Variants in TTN observed in about 807,000 individuals in gnomAD.
TTN encodes connectin.
In TTN, 1,525 loss-of-function variants were observed where a neutral mutation model predicts 3,223.0. The ratio of observed to expected loss-of-function variants is 0.47; its 90% confidence interval spans 0.45 to 0.49. The LOEUF (loss-of-function observed/expected upper bound fraction) is 0.49, where lower values mean the gene tolerates loss of function less well. Among genes scored for constraint, TTN ranks in the 20% least tolerant of loss-of-function variants. The probability of loss-of-function intolerance (pLI) is 0.00; values close to 1 mark genes in which losing one functional copy is unlikely to be tolerated. For synonymous variants in TTN, 14,094 were observed against 15,161.0 expected, an observed-to-expected ratio of 0.93 and a Z score of 5.17; for missense variants, 40,786 against 43,424.0, an observed-to-expected ratio of 0.94 and a Z score of 5.40.
intron 99 of TTN, 80 bp downstream of exon 99, chr2:178,709,486 G>C (rs1000179098): frequency 4.9e-6 from 7 of 1,419,900 alleles, no homozygotes; most frequent in Non-Finnish European, 6.6e-6. Context: ...ACTTGGTCAA[G>C]ATATCATAAG....
Position 178,717,350 on chromosome 2 carries a change from G to A in TTN, c.25384C>T (p.Pro8462Ser). Residue 8462 changes from proline to serine, a missense_variant, in exon 88 of 363, where the codon CCT becomes TCT. Pro to Ser is a moderately conservative substitution (Grantham distance 74). Transcript: ENST00000589042. ...CCAAGAGCAAGATCTACTGATACAG[G>A]CTTTAGATCAAAGAAAGGAGGCACT... Reference protein sequence around the residue: ...HEVPPFFDLKPVSVDLALGES... With the variant: ...HEVPPFFDLKSVSVDLALGES... The A allele has an allele frequency of 6.2e-7, 1 of 1,609,962 alleles. No homozygotes were observed. The highest frequency in any genetic ancestry group is 8.5e-7 in the Non-Finnish European group (1 of 1,176,890).
chr2:178,560,156 T>A lies in TTN; in HGVS notation c.85976A>T (p.Lys28659Ile). The A allele has an allele frequency of 2.5e-6, 4 of 1,613,554 alleles. No individual in the cohort carries two copies. In the South Asian group the frequency reaches 4.4e-5, roughly 18 times the overall value. The change falls in exon 326 of 363, where the codon AAA (lysine) becomes ATA (isoleucine). Residue 28659 changes from lysine (K) to isoleucine (I), a missense_variant. By Grantham distance (102) the Lys-to-Ile change is moderately radical. Coordinates refer to ENST00000589042, the MANE Select transcript of TTN (RefSeq NM_001267550.2). Reference sequence around the variant, plus strand: ...AGTTGTCTTGCCTGAGTCCACAATTTTGGGTTTGGATGGAGGAGATGGTAG... The same window carrying A: ...AGTTGTCTTGCCTGAGTCCACAATTATGGGTTTGGATGGAGGAGATGGTAG... ...VFLPSPPSKP[K>I]IVDSGKTTIT... is the part of the protein sequence containing the mutation.
intron 9 of TTN, 102 bp downstream of exon 9, chr2:178,793,302 A>C: frequency 6.7e-7 from 1 of 1,498,658 alleles, no homozygotes; most frequent in Non-Finnish European, 9.0e-7. Context: ...GTATGCTAAC[A>C]ACCATGTGGC....
chr2:178,738,140 T>C lies in TTN; in HGVS notation c.14313A>G (p.Thr4771=), dbSNP rs556020515. ...TGCCATACTCATTGGAAGCTTTGCA[T>C]GTATACTCGCCGCAGTCAACCACCT... ...RTQVVDCGEY[T]CKASNEYGSV... is the part of the protein sequence containing the mutation. Residue 4771 remains threonine (T), a synonymous_variant, in exon 49 of 363, where the codon ACA becomes ACG. Transcript: ENST00000589042. The C allele has an allele frequency of 3.7e-6, 6 of 1,613,840 alleles. No homozygotes were observed. The South Asian group carries it at 6.6e-5, about 18-fold the overall frequency.
At chr2:178,783,588 C>T (rs1415822311) in intron 17 of TTN, 132 bp downstream of exon 17, 1 of 814,098 alleles carries the variant, frequency 1.2e-6, no homozygotes, top group Non-Finnish European at 2.0e-6. Context: ...CAAATACGGT[C>T]TTAAAATGAG....
chr2:178,623,776 T>C (rs1271405824), intron 242 of TTN, among the ~76,000 whole-genome samples: 2 of 151,884 alleles, frequency 1.3e-5, no homozygotes, highest in African/African-American at 2.4e-5. Context: ...ATGTCATCAC[T>C]GGACAAAGGA....
Position 178,647,046 on chromosome 2 carries a change from A to G in TTN, c.40222+18T>C. 3.8e-6 allele frequency: 3 copies of G among 783,784 alleles called. No homozygotes were observed. Among genetic ancestry groups the G allele is most frequent in the Non-Finnish European group, 3.4e-6 (2 of 582,830 alleles). The allele number at this position is 783,784 out of a possible 1,614,324, so 48.6% of individuals were successfully genotyped here. ...TTCAGGAGATTAAAAAAATGTATAT[A>G]TATATATATATATATACCTTCAACA... On this transcript the variant is annotated intron_variant, in intron 215 of 362. Coordinates refer to ENST00000589042, the MANE Select transcript of TTN (RefSeq NM_001267550.2).
At position 178,560,434 on chromosome 2, in the gene TTN, A is replaced by G. The variant is rs1703202093; in HGVS notation, c.85698T>C (p.Ser28566=). The G allele has an allele frequency of 6.2e-7, 1 of 1,613,644 alleles. No homozygotes were observed. Reference sequence around the variant, plus strand: ...CGGGTCTTGACCAGCAAAGTGTCATAGATTCTTTGGTCACAGAAGTAATTT... The same window carrying G: ...CGGGTCTTGACCAGCAAAGTGTCATGGATTCTTTGGTCACAGAAGTAATTT... The part of the protein sequence containing the change: ...SLEITSVTKE[S]MTLCWSRPES... Residue 28566 remains serine (S), a synonymous_variant, in exon 326 of 363, where the codon TCT becomes TCC. Transcript: ENST00000589042.
rs184854121 is a variant in TTN, at chr2:178,757,399, G to A, written c.10678+143C>T. On this transcript the variant is annotated intron_variant, in intron 45 of 362. Transcript: ENST00000589042. The stretch of plus-strand genomic sequence containing the variant: ...GTTAACCCATAATTGAGGACCTAGC[G>A]GGAGTTATTGCATGTTATTTTATTA... The A allele has an allele frequency of 2.3e-3, 2,413 of 1,053,864 alleles. 3 individuals carry two copies. Among genetic ancestry groups the A allele is most frequent in the Non-Finnish European group, 2.6e-3 (2,077 of 784,854 alleles). 65.3% of individuals were successfully genotyped at this position (1,053,864 alleles called of 1,614,324 possible). A position where few individuals can be genotyped will look rare whatever the true frequency, so the allele number is the denominator to read the frequency against.
At chr2:178,538,470 G>A (rs79646543) in intron 354 of TTN, 70 bp downstream of exon 354, 81 of 1,450,956 alleles carry the variant, frequency 5.6e-5, no homozygotes, top group Non-Finnish European at 7.1e-5. Context: ...GTTCTACTTA[G>A]TATAGAGGGG....
intron 2 of TTN, among the ~76,000 whole-genome samples, chr2:178,804,294 C>T (rs571309994): frequency 2.0e-4 from 30 of 152,194 alleles, no homozygotes; most frequent in Non-Finnish European, 3.1e-4. Flanking sequence ...TGGATTCTAA[C>T]GGCAATTTTA....
chr2:178,800,062 T>C lies in TTN; in HGVS notation c.584-152A>G, dbSNP rs2154358771. ...GTTTTGGATTTTGCATGAATATAAATTAGGTTTAAAAATAGAAAATGTTCA... is the reference window on the plus strand; with the variant it reads ...GTTTTGGATTTTGCATGAATATAAACTAGGTTTAAAAATAGAAAATGTTCA... On this transcript the variant is annotated intron_variant, in intron 4 of 362. Coordinates refer to ENST00000589042, the MANE Select transcript of TTN (RefSeq NM_001267550.2). 4 of 869,294 alleles carry C rather than the reference T, an allele frequency of 4.6e-6. No homozygotes were observed. The South Asian group carries it at 5.2e-5, about 11-fold the overall frequency. 53.8% of individuals were successfully genotyped at this position (869,294 alleles called of 1,614,324 possible).
chr2:178,715,351 T>A (rs2077326908), intron 89 of TTN, 87 bp from the exon 90 acceptor site: 2 of 1,509,546 alleles, frequency 1.3e-6, no homozygotes, highest in African/African-American at 2.8e-5. Flanking sequence ...ATCAGAGAGA[T>A]AGAGAGTGAA....
At position 178,563,708 on chromosome 2, in the gene TTN, G is replaced by T. The variant is rs377169807; in HGVS notation, c.82424C>A (p.Thr27475Lys). The T allele has an allele frequency of 5.0e-5, 80 of 1,613,662 alleles. No homozygotes were observed. Among genetic ancestry groups the T allele is most frequent in the Non-Finnish European group, 6.4e-5 (76 of 1,179,786 alleles). ...NPYKPPGPPS[T>K]PEVSAITKDS... ...TTTGGTGATTGCTGAGACTTCAGGT[G>T]TTGAGGGAGGACCTGGTGGCTTATA... Residue 27475 changes from threonine (T) to lysine (K), a missense_variant, in exon 326 of 363, where the codon ACA becomes AAA. Transcript: ENST00000589042. The surrounding 1 kb of genome is among the most constrained non-coding windows in gnomAD (Gnocchi z 4.5).
At position 178,784,102 on chromosome 2, in the gene TTN, G is replaced by A. The variant is rs539652641; in HGVS notation, c.2743C>T (p.Arg915Cys). 37 of 1,613,854 alleles carry A rather than the reference G, an allele frequency of 2.3e-5. No homozygotes were observed. Among genetic ancestry groups the A allele is most frequent in the African/African-American group, 1.2e-4 (9 of 74,994 alleles). ...TCGCGTCCGTGCAGTACTTCAAAGC[G>A]CTCTTCACGGACGGTGGTGCCAGTG... Reference protein sequence around the residue: ...SITGTTVREERFEVLHGREAK... With the variant: ...SITGTTVREECFEVLHGREAK... Residue 915 changes from arginine (R) to cysteine (C), a missense_variant, in exon 16 of 363, where the codon CGC becomes TGC. Arg to Cys is a radical substitution (Grantham distance 180, BLOSUM62 -3). Transcript: ENST00000589042.
At chr2:178,704,009 A>G (rs906266085) in intron 106 of TTN, 138 bp downstream of exon 106, 1 of 1,101,746 alleles carries the variant, frequency 9.1e-7, no homozygotes, top group Non-Finnish European at 1.3e-6. Flanking sequence ...TGAGATGAAT[A>G]CTATGAGAAC....
chr2:178,556,161 G>A (rs116583287), intron 330 of TTN: 2,533 of 152,514 alleles, frequency 0.017, 32 homozygotes, highest in Middle Eastern at 0.041. Flanking sequence ...CAGGCATGGT[G>A]GCTCACACCT....
intron 50 of TTN, 47 bp from the exon 51 acceptor site, chr2:178,735,035 T>C (rs1180197225): frequency 6.8e-7 from 1 of 1,476,644 alleles, no homozygotes; most frequent in South Asian, 1.4e-5. Flanking sequence ...ATCTGAAACA[T>C]AAACTCCGCA....
chr2:178,614,789 T>G, intron 260 of TTN, 36 bp from the exon 261 acceptor site: 1 of 1,599,022 alleles, frequency 6.3e-7, no homozygotes, highest in Non-Finnish European at 8.5e-7. Context: ...TGTTATCAAG[T>G]TCAAGCAGAT....
Sources: gnomAD v4.1 joint callset for allele counts (sites outside exome capture counted in the v4.1 genomes callset) on GRCh38, gnomAD v4.1.1 for gene constraint, Gnocchi (gnomAD v3.1) non-coding constraint, MANE v1.5 for transcripts, NCBI Gene and HGNC (gene_info 2026-07-23, HGNC 2026-07-21) for gene names.